UNC5D: variants seen among roughly 807,000 people sequenced by gnomAD.
The protein encoded by UNC5D is unc-5 netrin receptor D.
A neutral mutation model predicts 105.4 loss-of-function variants in UNC5D; 39 were observed. The observed-to-expected ratio is 0.37, with a 90% confidence interval of 0.29 to 0.48. UNC5D has a LOEUF of 0.48. Among genes scored for constraint, UNC5D ranks in the 20% least tolerant of loss-of-function variants. UNC5D has a pLI of 0.98. For missense variants in UNC5D, 991 were observed against 1,202.4 expected (o/e 0.82, Z 2.60); for synonymous variants, 452 against 450.4 (o/e 1.00, Z -0.04).
Position 35,659,530 on chromosome 8 carries a change from C to G in UNC5D, c.571-24017C>G, listed in dbSNP as rs568943355. On this transcript the variant is annotated intron_variant, in intron 4 of 16. Transcript: ENST00000404895. ...TACATGTTATGATGACTGCTGACTT[C>G]TCACAGCAATTCAGTTCTGTTCCTC... 8.9e-4 allele frequency among the ~76,000 whole-genome samples: 136 copies of G among 152,368 alleles called. 1 individual carries two copies. The highest frequency in any genetic ancestry group is 3.2e-3 in the African/African-American group (133 of 41,588).
chr8:35,725,475 G>A (rs183285378), intron 9 of UNC5D, among the ~76,000 whole-genome samples: 1 of 152,210 alleles, frequency 6.6e-6, no homozygotes, highest in East Asian at 1.9e-4. Flanking sequence ...TGCTCCCTAT[G>A]TAGAATCTAA....
chr8:35,417,245 C>T (rs1442344890), intron 1 of UNC5D, among the ~76,000 whole-genome samples: 1 of 142,518 alleles, frequency 7.0e-6, no homozygotes, highest in Non-Finnish European at 1.5e-5. Context: ...CACCCCACTA[C>T]CCTTCTCACC....
At chr8:35,652,017 C>T (rs1016308675) in intron 4 of UNC5D, among the ~76,000 whole-genome samples, 8 of 152,144 alleles carry the variant, frequency 5.3e-5, no homozygotes, top group African/African-American at 1.9e-4. Context: ...AGGCTACACA[C>T]TAAAAAATAA....
intron 1 of UNC5D, among the ~76,000 whole-genome samples, chr8:35,540,099 T>G (rs548979487): frequency 6.6e-6 from 1 of 152,300 alleles, no homozygotes. Context: ...GCGATAACAC[T>G]TTGAAAGCAA....
At chr8:35,386,262 A>G (rs1159205659) in intron 1 of UNC5D, among the ~76,000 whole-genome samples, 2 of 152,204 alleles carry the variant, frequency 1.3e-5, no homozygotes, top group African/African-American at 4.8e-5. Flanking sequence ...CTCCAATTTA[A>G]AAATGAACTT....
chr8:35,275,674 CTCTG>C (rs371999010), intron 1 of UNC5D, among the ~76,000 whole-genome samples: 35 of 152,280 alleles, frequency 2.3e-4, no homozygotes, highest in African/African-American at 7.7e-4. Context: ...ACCATTTACT[CTCTG>C]TGTGACCTGG....
intron 11 of UNC5D, among the ~76,000 whole-genome samples, chr8:35,740,466 A>C (rs1204648657): frequency 6.6e-6 from 1 of 152,182 alleles, no homozygotes; most frequent in Non-Finnish European, 1.5e-5. Flanking sequence ...GACAGCCTTC[A>C]TATTAGCTCA....
chr8:35,622,392 G>A (rs527595065), intron 4 of UNC5D, among the ~76,000 whole-genome samples: 97 of 152,152 alleles, frequency 6.4e-4, no homozygotes, highest in African/African-American at 2.3e-3. Context: ...CTGAGAGGGA[G>A]ACATTATTTA....
intron 16 of UNC5D, among the ~76,000 whole-genome samples, chr8:35,774,851 T>C (rs1036419283): frequency 4.1e-5 from 6 of 146,794 alleles, no homozygotes; most frequent in African/African-American, 1.6e-4. Context: ...CACTTGAGCC[T>C]GGCAGGTCAA....
chr8:35,622,263 AC>A (rs1821406052), intron 4 of UNC5D, among the ~76,000 whole-genome samples: 1 of 152,072 alleles, frequency 6.6e-6, no homozygotes, highest in Admixed American at 6.6e-5. Flanking sequence ...AATCGCTTGA[AC>A]CTGGGAGGTG....
intron 1 of UNC5D, among the ~76,000 whole-genome samples, chr8:35,437,484 G>C (rs1246674683): frequency 1.3e-5 from 2 of 152,010 alleles, no homozygotes; most frequent in Non-Finnish European, 2.9e-5. Flanking sequence ...TCTATGGATG[G>C]GTATCTGATG....
chr8:35,488,859 TG>T (rs1811005537), intron 1 of UNC5D, among the ~76,000 whole-genome samples: 1 of 152,158 alleles, frequency 6.6e-6, no homozygotes, highest in Non-Finnish European at 1.5e-5. Context: ...TTGATTCAGA[TG>T]ATATTTAGAG....
At chr8:35,516,535 T>G (rs1307236383) in intron 1 of UNC5D, among the ~76,000 whole-genome samples, 2 of 152,236 alleles carry the variant, frequency 1.3e-5, no homozygotes, top group Non-Finnish European at 2.9e-5. Flanking sequence ...TCCTACATCA[T>G]GCCATCAATA....
intron 1 of UNC5D, among the ~76,000 whole-genome samples, chr8:35,391,618 CAAGCA>C (rs1803779822): frequency 6.6e-6 from 1 of 152,142 alleles, no homozygotes; most frequent in Non-Finnish European, 1.5e-5. Flanking sequence ...AACTATTGGT[CAAGCA>C]AAGCTAAGTT....
chr8:35,786,808 A>G (rs1802765935), intron 16 of UNC5D, among the ~76,000 whole-genome samples: 1 of 152,196 alleles, frequency 6.6e-6, no homozygotes, highest in Non-Finnish European at 1.5e-5. Context: ...AGGTTACAAG[A>G]CAGACAGCAG....
rs10715369 is a variant in UNC5D at position 35,365,591 on chromosome 8, C to CAAAAAAAAAAAAAAAAAAAAAAAAA, written c.103+129706_103+129730dup. 1.6e-4 allele frequency among the ~76,000 whole-genome samples: 8 copies of CAAAAAAAAAAAAAAAAAAAAAAAAA among 49,886 alleles called. 2 individuals are homozygous for CAAAAAAAAAAAAAAAAAAAAAAAAA. Among genetic ancestry groups the CAAAAAAAAAAAAAAAAAAAAAAAAA allele is most frequent in the African/African-American group, 4.0e-4 (5 of 12,388 alleles). 32.7% of individuals were successfully genotyped at this position (49,886 alleles called of 152,430 possible). On this transcript the variant is annotated intron_variant, in intron 1 of 16. Transcript: ENST00000404895. ...TCTTAGGCTTTCATGCCATCCCCTG[C>CAAAAAAAAAAAAAAAAAAAAAAAAA]AAAAAAAAAAAAAAAAAAAAAAAAA...
rs530118653 is a variant in UNC5D, at chr8:35,744,790, T to C, written c.1767-3737T>C. ...CTGAGCTAAGAAGCATGGTGGCTTA[T>C]ACCTATAATCCCAGCACTTTGAGAG... On this transcript the variant is annotated intron_variant, in intron 11 of 16. Transcript: ENST00000404895. Among the ~76,000 whole-genome samples, 3 of 152,278 alleles carry C rather than the reference T, an allele frequency of 2.0e-5. No homozygotes were observed. The East Asian group carries it at 5.8e-4, about 30-fold the overall frequency.
At chr8:35,387,251 T>C (rs1803463919) in intron 1 of UNC5D, among the ~76,000 whole-genome samples, 1 of 150,326 alleles carries the variant, frequency 6.7e-6, no homozygotes, top group Non-Finnish European at 1.5e-5. Context: ...TAGTCCCAGC[T>C]CCTCGGGAGG....
chr8:35,693,541 T>C (rs1386432279), intron 7 of UNC5D, among the ~76,000 whole-genome samples: 1 of 152,210 alleles, frequency 6.6e-6, no homozygotes, highest in Non-Finnish European at 1.5e-5. Flanking sequence ...AGATGCCTTT[T>C]GTCATCCAGA....
Sources: gnomAD v4.1 joint callset for allele counts (sites outside exome capture counted in the v4.1 genomes callset) on GRCh38, gnomAD v4.1.1 for gene constraint, MANE v1.5 for transcripts, NCBI Gene and HGNC (gene_info 2026-07-23, HGNC 2026-07-21) for gene names.